MYT1L: variants seen among roughly 807,000 people sequenced by gnomAD.
MYT1L encodes myelin transcription factor 1-like protein.
MYT1L carries 12 observed loss-of-function variants against 126.7 expected under a neutral mutation model. That is an observed-to-expected ratio of 0.09 (90% confidence interval 0.06 to 0.15). The LOEUF is 0.15. Ranked by LOEUF, MYT1L falls within the 10% of genes least tolerant of loss-of-function variation. MYT1L has a pLI of 1.00. For synonymous variants in MYT1L, 541 were observed against 604.2 expected, an observed-to-expected ratio of 0.90 and a Z score of 1.53; for missense variants, 979 against 1,585.2, an observed-to-expected ratio of 0.62 and a Z score of 6.49.
chr2:2,318,894 C>T (rs1449103751), intron 1 of MYT1L, among the ~76,000 whole-genome samples: 1 of 152,152 alleles, frequency 6.6e-6, no homozygotes, highest in Non-Finnish European at 1.5e-5. Context: ...CTCTGAGAGA[C>T]TATAAAATGC....
intron 21 of MYT1L, among the ~76,000 whole-genome samples, chr2:1,813,955 A>T (rs10181424): frequency 0.059 from 7,453 of 125,764 alleles, 492 homozygotes; most frequent in African/African-American, 0.14. Context: ...CGAACCCGGG[A>T]GGCGGAGCTT....
At chr2:1,931,838 G>A (rs886734509) in intron 9 of MYT1L, among the ~76,000 whole-genome samples, 1 of 152,102 alleles carries the variant, frequency 6.6e-6, no homozygotes. Context: ...TCTACTCCGT[G>A]CAGCAGGTGC....
At chr2:2,216,578 A>G (rs1024761454) in intron 2 of MYT1L, among the ~76,000 whole-genome samples, 3 of 152,240 alleles carry the variant, frequency 2.0e-5, no homozygotes, top group African/African-American at 7.2e-5. Flanking sequence ...AACAAGTATC[A>G]ATGACTTCAG....
intron 14 of MYT1L, 50 bp from the exon 15 acceptor site, chr2:1,892,337 G>A (rs1558300810): frequency 2.6e-6 from 4 of 1,528,060 alleles, no homozygotes; most frequent in African/African-American, 1.4e-5. Flanking sequence ...CAGGGCACAC[G>A]GCAGACAGCA....
chr2:2,243,591 A>G (rs2094477020), intron 2 of MYT1L, among the ~76,000 whole-genome samples: 1 of 152,224 alleles, frequency 6.6e-6, no homozygotes, highest in Non-Finnish European at 1.5e-5. Context: ...TGCATGTGGC[A>G]GGCCTTAATA....
chr2:2,045,093 A>C (rs911899704), intron 4 of MYT1L, among the ~76,000 whole-genome samples: 1 of 152,230 alleles, frequency 6.6e-6, no homozygotes, highest in African/African-American at 2.4e-5. Context: ...GGCAGCCCCC[A>C]CACTGAAGGA....
chr2:2,027,083 G>A (rs998274290), intron 4 of MYT1L, among the ~76,000 whole-genome samples: 1 of 152,168 alleles, frequency 6.6e-6, no homozygotes, highest in Non-Finnish European at 1.5e-5. Context: ...GAAGAGAGAT[G>A]AGCCGTGCAC....
chr2:1,862,196 C>A (rs1053003198), intron 18 of MYT1L, among the ~76,000 whole-genome samples: 4 of 152,012 alleles, frequency 2.6e-5, no homozygotes, highest in African/African-American at 7.3e-5. Context: ...CTGCCTTTTC[C>A]CTGATTTCAA....
intron 1 of MYT1L, among the ~76,000 whole-genome samples, chr2:2,303,175 C>T (rs559546688): frequency 1.7e-3 from 256 of 152,354 alleles, no homozygotes; most frequent in Non-Finnish European, 2.7e-3. Context: ...CCTTCATCAA[C>T]ATAATGTTCA....
At position 1,848,199 on chromosome 2, in the gene MYT1L, G is replaced by A. The variant is rs956077313; in HGVS notation, c.2774+3442C>T. 3.3e-5 allele frequency among the ~76,000 whole-genome samples: 5 copies of A among 152,246 alleles called. No individual in the cohort carries two copies. The highest frequency in any genetic ancestry group is 3.3e-4 in the Admixed American group (5 of 15,290). On this transcript the variant is annotated intron_variant, in intron 19 of 24. Transcript: ENST00000647738. The surrounding 1 kb of genome is among the most constrained non-coding windows in gnomAD (Gnocchi z 4.8). ...CTTGGCCTCAGTTTTCTCTCAGATG[G>A]GAGCTGGGAATGCTCTGCAACTGCA...
At chr2:2,081,920 T>C (rs998233279) in intron 3 of MYT1L, among the ~76,000 whole-genome samples, 2 of 152,066 alleles carry the variant, frequency 1.3e-5, no homozygotes, top group African/African-American at 4.8e-5. Context: ...TTGTATGTTT[T>C]TTAGTAGAGA....
intron 3 of MYT1L, among the ~76,000 whole-genome samples, chr2:2,063,073 T>C (rs1006909989): frequency 2.6e-5 from 4 of 152,186 alleles, no homozygotes; most frequent in Admixed American, 2.0e-4. Context: ...TCTAATCAGA[T>C]TTCCTTTATC....
At chr2:2,004,231 TTTCCTGCAGGCGTTCTTTCCTGCAGGC>T (rs2149684255) in intron 4 of MYT1L, among the ~76,000 whole-genome samples, 1 of 142,720 alleles carries the variant, frequency 7.0e-6, no homozygotes, top group South Asian at 2.2e-4. Flanking sequence ...GCAGGCGTTC[TTTCCTGCAGGCGTTCTTTCCTGCAGGC>T]GTTCTTTCCT....
At chr2:1,871,811 A>G (rs879923869) in intron 18 of MYT1L, among the ~76,000 whole-genome samples, 4 of 152,294 alleles carry the variant, frequency 2.6e-5, no homozygotes, top group South Asian at 2.1e-4. Context: ...GTTTGCAAGT[A>G]TAAGATGCCA....
intron 3 of MYT1L, among the ~76,000 whole-genome samples, chr2:2,161,146 G>A (rs1351154512): frequency 1.3e-5 from 2 of 152,170 alleles, no homozygotes; most frequent in African/African-American, 4.8e-5. Flanking sequence ...CCGGGAGGCA[G>A]AGGTTGCAGT....
At chr2:2,055,293 C>A (rs1189327377) in intron 3 of MYT1L, among the ~76,000 whole-genome samples, 1 of 152,100 alleles carries the variant, frequency 6.6e-6, no homozygotes, top group Admixed American at 6.6e-5. Context: ...GTATTTTTGT[C>A]CTTCTCAGTT....
At chr2:2,232,161 G>T (rs1333510253) in intron 2 of MYT1L, among the ~76,000 whole-genome samples, 1 of 152,220 alleles carries the variant, frequency 6.6e-6, no homozygotes, top group Non-Finnish European at 1.5e-5. Flanking sequence ...AAGAAAGGAT[G>T]CATTCAGTGG....
intron 10 of MYT1L, among the ~76,000 whole-genome samples, chr2:1,921,962 C>A (rs1306557862): frequency 1.3e-5 from 2 of 152,166 alleles, no homozygotes; most frequent in Non-Finnish European, 2.9e-5. Context: ...TTTATAATAG[C>A]ACAGGCTTAC....
At chr2:2,269,777 C>T (rs922945695) in intron 2 of MYT1L, among the ~76,000 whole-genome samples, 10 of 152,172 alleles carry the variant, frequency 6.6e-5, no homozygotes, top group South Asian at 4.1e-4. Flanking sequence ...TCTGCCTGAA[C>T]GTCTTTCCTC....
Sources: gnomAD v4.1 joint callset for allele counts (sites outside exome capture counted in the v4.1 genomes callset) on GRCh38, gnomAD v4.1.1 for gene constraint, Gnocchi (gnomAD v3.1) non-coding constraint, MANE v1.5 for transcripts, NCBI Gene and HGNC (gene_info 2026-07-23, HGNC 2026-07-21) for gene names.